The following KIF27 variants were observed in gnomAD, a reference collection of about 807,000 sequenced individuals.
KIF27 encodes the protein kinesin-like protein KIF27.
Under a neutral mutation model 141.8 loss-of-function variants are expected in KIF27, and 84 were observed. The ratio of observed to expected loss-of-function variants is 0.59; its 90% confidence interval spans 0.50 to 0.71. The LOEUF (loss-of-function observed/expected upper bound fraction) is 0.71. Ranked by LOEUF, KIF27 falls within the 30% of genes least tolerant of loss-of-function variation. KIF27 has a pLI of 0.00. For synonymous variants in KIF27, 471 were observed against 569.5 expected, an observed-to-expected ratio of 0.83 and a Z score of 2.46; for missense variants, 1,306 against 1,628.4, an observed-to-expected ratio of 0.80 and a Z score of 3.41.
chr9:83,920,626 G>A (rs1956159528), intron 1 of KIF27, among the ~76,000 whole-genome samples: 1 of 152,166 alleles, frequency 6.6e-6, no homozygotes, highest in African/African-American at 2.4e-5. Flanking sequence ...ATCGCATACG[G>A]AGCTCAGAAA....
intron 3 of KIF27, among the ~76,000 whole-genome samples, chr9:83,907,926 C>T (rs1305187867): frequency 6.6e-6 from 1 of 152,176 alleles, no homozygotes; most frequent in Non-Finnish European, 1.5e-5. Flanking sequence ...AATAACTTCA[C>T]CTTACCAACC....
chr9:83,904,493 C>T (rs762096591), intron 3 of KIF27, among the ~76,000 whole-genome samples: 2 of 152,042 alleles, frequency 1.3e-5, no homozygotes, highest in Admixed American at 6.6e-5. Flanking sequence ...CTTAGCCTCC[C>T]GAGTAGTTGG....
At chr9:83,882,398 G>A (rs1454364031) in intron 10 of KIF27, among the ~76,000 whole-genome samples, 1 of 152,092 alleles carries the variant, frequency 6.6e-6, no homozygotes, top group Non-Finnish European at 1.5e-5. Context: ...ACTGAAAACC[G>A]GTATTGTCAT....
At chr9:83,917,914 A>C (rs571566330) in intron 1 of KIF27, among the ~76,000 whole-genome samples, 6 of 152,340 alleles carry the variant, frequency 3.9e-5, no homozygotes, top group African/African-American at 1.4e-4. Flanking sequence ...CACCAAAAGC[A>C]ATAAAATAAA....
intron 1 of KIF27, among the ~76,000 whole-genome samples, chr9:83,917,452 T>C (rs1298325805): frequency 6.6e-6 from 1 of 152,070 alleles, no homozygotes; most frequent in Non-Finnish European, 1.5e-5. Flanking sequence ...GTTGCAGAAA[T>C]TGACAAGCTG....
At chr9:83,855,612 C>A (rs1364448826) in intron 14 of KIF27, among the ~76,000 whole-genome samples, 1 of 152,050 alleles carries the variant, frequency 6.6e-6, no homozygotes, top group African/African-American at 2.4e-5. Flanking sequence ...AGAAACAATA[C>A]ATAACGAAAC....
At chr9:83,844,071 C>T (rs1258912124) in intron 16 of KIF27, among the ~76,000 whole-genome samples, 2 of 152,048 alleles carry the variant, frequency 1.3e-5, no homozygotes, top group African/African-American at 2.4e-5. Context: ...CTGGTGAGAA[C>T]CATCTCATCA....
chr9:83,845,271 G>T (rs951307644), intron 16 of KIF27, among the ~76,000 whole-genome samples: 1 of 152,166 alleles, frequency 6.6e-6, no homozygotes, highest in South Asian at 2.1e-4. Flanking sequence ...TTGACTATGG[G>T]TCATCAAGTC....
At chr9:83,901,004 G>T (rs1953828461) in intron 4 of KIF27, among the ~76,000 whole-genome samples, 1 of 152,052 alleles carries the variant, frequency 6.6e-6, no homozygotes, top group Non-Finnish European at 1.5e-5. Context: ...TGCCACCCAG[G>T]CTGGAGTGCA....
intron 11 of KIF27, among the ~76,000 whole-genome samples, chr9:83,877,970 C>A (rs547031756): frequency 3.3e-5 from 5 of 151,908 alleles, no homozygotes; most frequent in African/African-American, 1.2e-4. Flanking sequence ...TTCATCCATC[C>A]TGGCTAACAC....
rs144800998 is a variant in KIF27 at position 83,888,336 on chromosome 9, A to G, written c.2083+153T>C. Among the ~76,000 whole-genome samples the G allele has an allele frequency of 6.1e-4, 93 of 152,354 alleles. No homozygotes were observed. In the East Asian group the frequency reaches 0.012, roughly 20 times the overall value. Reference sequence around the variant, plus strand: ...AGTAAAAGAGTAAAAGAGGTAAAACAGAGAACATAAAAGAAGTTCTACCAA... The same window carrying G: ...AGTAAAAGAGTAAAAGAGGTAAAACGGAGAACATAAAAGAAGTTCTACCAA... On this transcript the variant is annotated intron_variant, in intron 8 of 17. Transcript: ENST00000297814.
At chr9:83,852,159 T>G (rs1032889924) in intron 15 of KIF27, among the ~76,000 whole-genome samples, 69 of 145,340 alleles carry the variant, frequency 4.7e-4, no homozygotes, top group Non-Finnish European at 8.3e-4. Flanking sequence ...GAGTTATCTC[T>G]ATCAGCCTGG....
At chr9:83,920,888 TCTAC>T (rs1956201718) in intron 1 of KIF27, among the ~76,000 whole-genome samples, 1 of 151,148 alleles carries the variant, frequency 6.6e-6, no homozygotes, top group Non-Finnish European at 1.5e-5. Context: ...AGTTTCAACC[TCTAC>T]GGTGGGAAAT....
At chr9:83,863,648 G>C (rs1211672844) in intron 13 of KIF27, 1 of 151,974 alleles carries the variant, frequency 6.6e-6, no homozygotes, top group East Asian at 1.9e-4. Context: ...TTTTTTTGTT[G>C]TGTCTCTGCC....
intron 3 of KIF27, among the ~76,000 whole-genome samples, chr9:83,905,272 C>T (rs1324727123): frequency 1.3e-5 from 2 of 152,128 alleles, no homozygotes; most frequent in Non-Finnish European, 2.9e-5. Context: ...GCGCCCACCA[C>T]CACGCCTGGC....
intron 2 of KIF27, among the ~76,000 whole-genome samples, chr9:83,908,914 C>T (rs896636926): frequency 1.3e-5 from 2 of 152,124 alleles, no homozygotes; most frequent in Non-Finnish European, 1.5e-5. Context: ...TGCCCACCAC[C>T]AGGCTATTAT....
At chr9:83,878,833 G>A (rs922346422) in intron 11 of KIF27, among the ~76,000 whole-genome samples, 8 of 152,060 alleles carry the variant, frequency 5.3e-5, no homozygotes, top group Non-Finnish European at 7.4e-5. Flanking sequence ...AGTGGTGATG[G>A]TTGCACAAGA....
At chr9:83,866,257 A>T (rs1417343458) in intron 13 of KIF27, among the ~76,000 whole-genome samples, 15 of 150,934 alleles carry the variant, frequency 9.9e-5, no homozygotes, top group African/African-American at 3.4e-4. Context: ...TGTTATTTTT[A>T]AAAAAGGAAA....
Position 83,903,107 on chromosome 9 carries a change from G to A in KIF27, c.1411C>T (p.Gln471Ter). 1 of 1,614,082 alleles carries A rather than the reference G, an allele frequency of 6.2e-7. No individual in the cohort carries two copies. The highest frequency in any genetic ancestry group is 2.2e-5 in the East Asian group (1 of 44,886). Residue 471 changes from glutamine (Q) to a stop codon, truncating the protein, a stop_gained, in exon 4 of 18, where the codon CAG becomes TAG. Coordinates refer to ENST00000297814, the MANE Select transcript of KIF27 (RefSeq NM_017576.4). LOFTEE classifies it high-confidence loss of function. Reference protein sequence around the residue: ...GGTASLEEGPQHVTVLQLKRE... With the variant: ...GGTASLEEGP Reference sequence around the variant, plus strand: ...TTCAGCTGGAGAACTGTAACATGCTGTGGTCCTTCTTCCAGACTTGCAGTG... The same window carrying A: ...TTCAGCTGGAGAACTGTAACATGCTATGGTCCTTCTTCCAGACTTGCAGTG...
Sources: allele counts gnomAD v4.1 joint callset (sites outside exome capture counted in the v4.1 genomes callset), GRCh38; gene constraint gnomAD v4.1.1; transcripts MANE v1.5; gene names NCBI Gene and HGNC (gene_info 2026-07-23, HGNC 2026-07-21).